Variants in FSTL4 observed in about 807,000 individuals in gnomAD.
FSTL4 encodes the protein follistatin-related protein 4.
Under a neutral mutation model 78.2 loss-of-function variants are expected in FSTL4, and 28 were observed. The observed-to-expected ratio is 0.36, with a 90% CI of 0.27 to 0.49. The LOEUF (loss-of-function observed/expected upper bound fraction) is 0.49, where lower values mean the gene tolerates loss of function less well. Among genes scored for constraint, FSTL4 ranks in the 20% least tolerant of loss-of-function variants. FSTL4 has a pLI of 0.98. For missense variants in FSTL4, 922 were observed against 1,084.9 expected (o/e 0.85, Z 2.11); for synonymous variants, 422 against 440.5 (o/e 0.96, Z 0.53).
rs553729890 is a variant in FSTL4 at position 133,383,154 on chromosome 5, C to T, written c.409+17584G>A. Among the ~76,000 whole-genome samples the T allele has an allele frequency of 2.6e-5, 4 of 152,318 alleles. No individual in the cohort carries two copies. In the East Asian group the frequency reaches 7.7e-4, roughly 29 times the overall value. ...GTCCTACCCTGAGTTTCAAATGTCT[C>T]CCAGTCACAGCTCTTCCTGTGGCCC... On this transcript the variant is annotated intron_variant, in intron 4 of 15. Coordinates refer to ENST00000265342, the MANE Select transcript of FSTL4 (RefSeq NM_015082.2).
chr5:133,613,699 C>T (rs748900262), upstream of FSTL4, among the ~76,000 whole-genome samples: 1 of 152,188 alleles, frequency 6.6e-6, no homozygotes, highest in South Asian at 2.1e-4. Context: ...GTCCAGCTCT[C>T]CCTCTATCAC....
intron 4 of FSTL4, among the ~76,000 whole-genome samples, chr5:133,388,973 C>G (rs141914448): frequency 1.1e-4 from 16 of 152,218 alleles, no homozygotes; most frequent in Non-Finnish European, 1.5e-4. Context: ...GGAGAAGGAA[C>G]TTCTGCAATT....
chr5:133,676,432 G>A, the FSTL4 span, among the ~76,000 whole-genome samples: 1 of 152,020 alleles, frequency 6.6e-6, no homozygotes, highest in Non-Finnish European at 1.5e-5. Context: ...TTTCTAATAG[G>A]GCTTTTTACT....
At chr5:133,601,571 G>C (rs1760869607) in intron 2 of FSTL4, among the ~76,000 whole-genome samples, 1 of 152,198 alleles carries the variant, frequency 6.6e-6, no homozygotes, top group African/African-American at 2.4e-5. Flanking sequence ...GGGGCATGGG[G>C]GTGCATGGAG....
At chr5:133,366,243 TGCA>T (rs1298012722) in intron 4 of FSTL4, among the ~76,000 whole-genome samples, 6 of 152,198 alleles carry the variant, frequency 3.9e-5, no homozygotes, top group Non-Finnish European at 8.8e-5. Flanking sequence ...CATCTCAAAA[TGCA>T]GCTCTCATCT....
At chr5:133,289,379 A>G (rs911457616) in intron 6 of FSTL4, among the ~76,000 whole-genome samples, 64 of 152,314 alleles carry the variant, frequency 4.2e-4, no homozygotes, top group African/African-American at 1.5e-3. Context: ...GCCTAAGCCC[A>G]TCTTCTTCCA....
the FSTL4 span, among the ~76,000 whole-genome samples, chr5:133,667,495 G>T: frequency 6.6e-6 from 1 of 152,148 alleles, no homozygotes; most frequent in East Asian, 1.9e-4. Context: ...CCTTTAAATG[G>T]TCCATAAGAC....
intron 3 of FSTL4, among the ~76,000 whole-genome samples, chr5:133,410,862 G>A (rs1756464241): frequency 6.6e-6 from 1 of 152,162 alleles, no homozygotes; most frequent in South Asian, 2.1e-4. Context: ...AACATGCACT[G>A]GATAATATCA....
intron 3 of FSTL4, among the ~76,000 whole-genome samples, chr5:133,552,860 G>A (rs1483961749): frequency 6.6e-6 from 1 of 152,186 alleles, no homozygotes; most frequent in African/African-American, 2.4e-5. Flanking sequence ...TAAAGAAACA[G>A]GGGATGAAGC....
chr5:133,304,330 G>A (rs187618417), intron 6 of FSTL4, among the ~76,000 whole-genome samples: 104 of 151,934 alleles, frequency 6.8e-4, no homozygotes, highest in Admixed American at 1.2e-3. Context: ...GCAAAATTTC[G>A]AGCTTTATGA....
chr5:133,719,672 TAAAAAAAAAAAAAA>T, the FSTL4 span, among the ~76,000 whole-genome samples: 2 of 102,078 alleles, frequency 2.0e-5, no homozygotes, highest in Admixed American at 2.1e-4. Flanking sequence ...AAACTCCATC[TAAAAAAAAAAAAAA>T]AAAAAAAAGT....
intron 2 of FSTL4, among the ~76,000 whole-genome samples, chr5:133,574,165 C>T (rs59311672): frequency 0.013 from 2,048 of 152,270 alleles, 40 homozygotes; most frequent in African/African-American, 0.047. Flanking sequence ...ATATAAAATA[C>T]TTTTGCAAAT....
Position 133,504,329 on chromosome 5 carries a change from T to C in FSTL4, c.160+62857A>G, listed in dbSNP as rs567663324. On this transcript the variant is annotated intron_variant, in intron 3 of 15. Coordinates refer to ENST00000265342, the MANE Select transcript of FSTL4 (RefSeq NM_015082.2). The stretch of plus-strand genomic sequence containing the variant: ...TCCATATCCAGTAAGTCACCATATC[T>C]GATCAAAACGCTCCTCAAACATAGG... 2.6e-5 allele frequency among the ~76,000 whole-genome samples: 4 copies of C among 152,300 alleles called. No homozygotes were observed. The South Asian group carries it at 8.3e-4, about 32-fold the overall frequency.
intron 7 of FSTL4, among the ~76,000 whole-genome samples, chr5:133,235,760 C>G (rs1355070474): frequency 1.3e-5 from 2 of 152,146 alleles, no homozygotes; most frequent in Non-Finnish European, 2.9e-5. Flanking sequence ...TCTGCGGAAG[C>G]CTCCATGATA....
chr5:133,790,997 A>G, the FSTL4 span, among the ~76,000 whole-genome samples: 2 of 152,216 alleles, frequency 1.3e-5, no homozygotes, highest in East Asian at 3.9e-4. Flanking sequence ...AAAGCCCTAT[A>G]CTGGCCTGCC....
intron 4 of FSTL4, among the ~76,000 whole-genome samples, chr5:133,329,717 T>G (rs1018783788): frequency 3.3e-5 from 5 of 152,194 alleles, no homozygotes; most frequent in African/African-American, 1.2e-4. Flanking sequence ...CTGACTCAAA[T>G]GTTAATCTCC....
intron 3 of FSTL4, among the ~76,000 whole-genome samples, chr5:133,403,907 C>T (rs1015112917): frequency 3.3e-5 from 5 of 152,134 alleles, no homozygotes; most frequent in Admixed American, 3.3e-4. Flanking sequence ...TGAGGCCCAG[C>T]GTCACACAGG....
At chr5:133,400,052 G>A (rs958037348) in intron 4 of FSTL4, among the ~76,000 whole-genome samples, 10 of 152,184 alleles carry the variant, frequency 6.6e-5, no homozygotes, top group African/African-American at 2.2e-4. Context: ...ACAGTGCTAG[G>A]TGCTAATACA....
chr5:133,818,395 T>C, the FSTL4 span, among the ~76,000 whole-genome samples: 8 of 152,266 alleles, frequency 5.3e-5, no homozygotes, highest in East Asian at 1.5e-3. Flanking sequence ...CCCAATTTCA[T>C]CCACATCCTA....
Sources: gnomAD v4.1 joint callset for allele counts (sites outside exome capture counted in the v4.1 genomes callset) on GRCh38, gnomAD v4.1.1 for gene constraint, MANE v1.5 for transcripts, NCBI Gene and HGNC (gene_info 2026-07-23, HGNC 2026-07-21) for gene names.